The following CLVS1 variants were observed in gnomAD, a reference collection of about 807,000 sequenced individuals.
The protein encoded by CLVS1 is clavesin-1.
CLVS1 carries 10 observed loss-of-function variants against 33.1 expected under a neutral mutation model. That is an observed-to-expected ratio of 0.30 (90% CI 0.19 to 0.51). The LOEUF (loss-of-function observed/expected upper bound fraction) is 0.51. Ranked by LOEUF, CLVS1 falls within the 20% of genes least tolerant of loss-of-function variation. The pLI, the probability that CLVS1 is intolerant of heterozygous loss-of-function variation, is 0.97. For missense variants in CLVS1, 343 were observed against 433.4 expected, an observed-to-expected ratio of 0.79 and a Z score of 1.85; for synonymous variants, 163 against 166.1, an observed-to-expected ratio of 0.98 and a Z score of 0.14.
intron 2 of CLVS1, among the ~76,000 whole-genome samples, chr8:61,171,850 A>G (rs1370882265): frequency 6.6e-6 from 1 of 152,210 alleles, no homozygotes; most frequent in Non-Finnish European, 1.5e-5. Context: ...TAAGAAAGAA[A>G]TTACTTTGAG....
chr8:61,228,094 T>A (rs1450920129), intron 2 of CLVS1, among the ~76,000 whole-genome samples: 2 of 152,252 alleles, frequency 1.3e-5, no homozygotes, highest in East Asian at 3.8e-4. Flanking sequence ...AAGCCTGTTT[T>A]TAGGTTTCCT....
the CLVS1 span, among the ~76,000 whole-genome samples, chr8:61,042,003 G>T: frequency 6.6e-6 from 1 of 152,106 alleles, no homozygotes; most frequent in South Asian, 2.1e-4. Flanking sequence ...ATTTCTTGAT[G>T]GGTACTCTGC....
At chr8:61,423,041 T>G (rs1055149924) in intron 3 of CLVS1, among the ~76,000 whole-genome samples, 5 of 152,128 alleles carry the variant, frequency 3.3e-5, no homozygotes, top group African/African-American at 7.2e-5. Flanking sequence ...GTCCACTGAT[T>G]GTTCTTAATG....
chr8:61,120,964 C>T (rs183360728), intron 1 of CLVS1, among the ~76,000 whole-genome samples: 46 of 147,830 alleles, frequency 3.1e-4, no homozygotes, highest in Non-Finnish European at 4.8e-4. Flanking sequence ...GGGTGCCCCT[C>T]CCCCAGCCTC....
At chr8:61,497,042 A>G (rs952821347) in intron 5 of CLVS1, among the ~76,000 whole-genome samples, 3 of 152,222 alleles carry the variant, frequency 2.0e-5, no homozygotes, top group African/African-American at 7.2e-5. Flanking sequence ...GGTTATGAAA[A>G]TGAAATAAGC....
chr8:61,447,194 C>T (rs1262142445), intron 3 of CLVS1, among the ~76,000 whole-genome samples: 1 of 152,066 alleles, frequency 6.6e-6, no homozygotes, highest in African/African-American at 2.4e-5. Flanking sequence ...AAGTCCCCAA[C>T]AATAATTGTG....
intron 1 of CLVS1, among the ~76,000 whole-genome samples, chr8:61,291,183 C>T (rs1017261840): frequency 3.9e-5 from 6 of 152,196 alleles, no homozygotes; most frequent in Non-Finnish European, 7.3e-5. Flanking sequence ...CTTCTCAGGT[C>T]AGGTTGCCCT....
intron 3 of CLVS1, among the ~76,000 whole-genome samples, chr8:61,415,647 G>A (rs370004192): frequency 1.8e-4 from 28 of 152,144 alleles, no homozygotes; most frequent in African/African-American, 6.8e-4. Flanking sequence ...AGTATTCCAG[G>A]GGCCTTAGAG....
upstream of CLVS1, among the ~76,000 whole-genome samples, chr8:61,053,112 G>A (rs1005614016): frequency 6.6e-6 from 1 of 152,214 alleles, no homozygotes; most frequent in South Asian, 2.1e-4. Flanking sequence ...TAATGGCAAG[G>A]AGTGGGGTCG....
intron 2 of CLVS1, among the ~76,000 whole-genome samples, chr8:61,201,517 G>C (rs1231880461): frequency 6.6e-6 from 1 of 152,140 alleles, no homozygotes; most frequent in Non-Finnish European, 1.5e-5. Context: ...TCTTTCGTAG[G>C]ACAGCTATGG....
At chr8:61,175,927 C>T (rs889672699) in intron 2 of CLVS1, among the ~76,000 whole-genome samples, 7 of 152,080 alleles carry the variant, frequency 4.6e-5, no homozygotes, top group African/African-American at 1.7e-4. Context: ...ATGCCCATGC[C>T]CCAAACTTGT....
intron 5 of CLVS1, among the ~76,000 whole-genome samples, chr8:61,494,017 G>C (rs949428728): frequency 6.6e-6 from 1 of 152,184 alleles, no homozygotes; most frequent in Non-Finnish European, 1.5e-5. Flanking sequence ...AGAAGAAAAG[G>C]TGAGTGTTAG....
intron 2 of CLVS1, among the ~76,000 whole-genome samples, chr8:61,144,031 T>C (rs1806366886): frequency 6.7e-6 from 1 of 150,354 alleles, no homozygotes; most frequent in South Asian, 2.1e-4. Flanking sequence ...ATATCCATTC[T>C]CAACTTTGCT....
At chr8:60,971,370 T>A in the CLVS1 span, among the ~76,000 whole-genome samples, 1 of 152,222 alleles carries the variant, frequency 6.6e-6, no homozygotes. Flanking sequence ...AGAGCCACTG[T>A]GCCCGGCCTA....
At chr8:61,023,476 A>G in the CLVS1 span, among the ~76,000 whole-genome samples, 3 of 152,270 alleles carry the variant, frequency 2.0e-5, no homozygotes, top group Non-Finnish European at 4.4e-5. Context: ...TACATCCCAC[A>G]GTTATTCAAA....
intron 2 of CLVS1, among the ~76,000 whole-genome samples, chr8:61,179,660 A>G (rs576836860): frequency 6.1e-4 from 93 of 152,348 alleles, no homozygotes; most frequent in Middle Eastern, 3.4e-3. Context: ...CCACAGTGCA[A>G]TCAAATTAGA....
At chr8:61,077,523 T>A (rs2129281821) in intron 1 of CLVS1, among the ~76,000 whole-genome samples, 1 of 150,728 alleles carries the variant, frequency 6.6e-6, no homozygotes, top group East Asian at 1.9e-4. Flanking sequence ...TGGCCCAGGC[T>A]GGAGCGCAGT....
the CLVS1 span, among the ~76,000 whole-genome samples, chr8:60,968,282 GAGGCC>G: frequency 6.6e-6 from 1 of 152,206 alleles, no homozygotes; most frequent in Non-Finnish European, 1.5e-5. Flanking sequence ...GGCCGAGGCC[GAGGCC>G]GGCGGATCAC....
chr8:61,106,228 C>A (rs1805535256), intron 1 of CLVS1, among the ~76,000 whole-genome samples: 1 of 152,138 alleles, frequency 6.6e-6, no homozygotes, highest in Admixed American at 6.6e-5. Context: ...GCCAGAATAT[C>A]AAAGTGGTAG....
Sources: allele counts gnomAD v4.1 joint callset (sites outside exome capture counted in the v4.1 genomes callset), GRCh38; gene constraint gnomAD v4.1.1; transcripts MANE v1.5; gene names NCBI Gene and HGNC (gene_info 2026-07-23, HGNC 2026-07-21).